The following ADNP2 variants were observed in gnomAD, a reference collection of about 807,000 sequenced individuals.
The protein encoded by ADNP2 is activity-dependent neuroprotector homeobox protein 2.
Under a neutral mutation model 16.4 loss-of-function variants are expected in ADNP2, and 8 were observed. The observed-to-expected ratio is 0.49, with a 90% CI of 0.29 to 0.88. The LOEUF is 0.88. Ranked by LOEUF, ADNP2 falls within the 40% of genes least tolerant of loss-of-function variation. ADNP2 has a pLI of 0.09. For missense variants in ADNP2, 1,397 were observed against 1,395.1 expected (o/e 1.00, Z -0.02); for synonymous variants, 637 against 545.8 (o/e 1.17, Z -2.33).
chr18:80,136,099 C>T lies in ADNP2; in HGVS notation c.686C>T (p.Ala229Val), dbSNP rs138033754. 372 of 1,614,124 alleles carry T rather than the reference C, an allele frequency of 2.3e-4. 2 individuals are homozygous for T. Among genetic ancestry groups the T allele is most frequent in the Non-Finnish European group, 3.5e-5 (41 of 1,179,978 alleles). ...KCNANASSQD[A>V]LMYHILTSDI... is the part of the protein sequence containing the mutation. ...AACGCCAATGCCAGCAGCCAGGATG[C>T]GTTAATGTATCACATTTTGACATCA... is the stretch of plus-strand genomic sequence containing the variant. Residue 229 changes from alanine (A) to valine (V), a missense_variant, in exon 4 of 4, where the codon GCG (alanine) becomes GTG (valine). Physicochemically the swap from Ala to Val is moderately conservative, Grantham distance 64 (BLOSUM62 0). Coordinates refer to ENST00000262198, the MANE Select transcript of ADNP2 (RefSeq NM_014913.4).
At chr18:80,117,793 T>G (rs1214520014) in intron 2 of ADNP2, 143 bp downstream of exon 2, 1 of 595,266 alleles carries the variant, frequency 1.7e-6, no homozygotes, top group Non-Finnish European at 2.9e-6. Context: ...CTTATTTATG[T>G]CTTTATGACA....
At chr18:80,126,130 T>G (rs2052457046) in intron 2 of ADNP2, among the ~76,000 whole-genome samples, 1 of 152,196 alleles carries the variant, frequency 6.6e-6, no homozygotes, top group South Asian at 2.1e-4. Context: ...TTATTCCATT[T>G]TATCTCTATT....
chr18:80,125,356 T>C, intron 2 of ADNP2, among the ~76,000 whole-genome samples: 1 of 151,936 alleles, frequency 6.6e-6, no homozygotes, highest in East Asian at 1.9e-4. Flanking sequence ...TTTAAAATAA[T>C]AAATAGGCCG....
intron 3 of ADNP2, among the ~76,000 whole-genome samples, chr18:80,134,000 G>A (rs553315637): frequency 7.6e-4 from 116 of 152,112 alleles, no homozygotes; most frequent in African/African-American, 2.7e-3. Flanking sequence ...GCCCAGATAA[G>A]CATTTTTATT....
Position 80,136,542 on chromosome 18 carries a change from C to T in ADNP2, c.1129C>T (p.Pro377Ser), listed in dbSNP as rs150009419. 6 of 1,614,114 alleles carry T rather than the reference C, an allele frequency of 3.7e-6. No individual in the cohort carries two copies. The African/African-American group carries it at 6.7e-5, about 18-fold the overall frequency. Residue 377 changes from proline (P) to serine (S), a missense_variant, in exon 4 of 4, where the codon CCA becomes TCA. This residue lies in a region of ADNP2 where 777 missense variants were observed against 719.4 expected (regional missense o/e 1.08). Transcript: ENST00000262198. The stretch of plus-strand genomic sequence containing the variant: ...TCCTCCTGTGTTGCCCTTGAGTCAG[C>T]CAGTCGGACCTGTCAATAAGTCTGT... ...VNPPVLPLSQPVGPVNKSVGT... is the reference protein window; with the variant it reads ...VNPPVLPLSQSVGPVNKSVGT...
intron 2 of ADNP2, among the ~76,000 whole-genome samples, chr18:80,131,744 C>G (rs1345927675): frequency 1.4e-5 from 2 of 147,476 alleles, no homozygotes; most frequent in African/African-American, 5.0e-5. Context: ...CAAACTGTTG[C>G]AAGGACAGAA....
rs1217086726 is a variant in ADNP2, at chr18:80,139,486, A to T, written c.*677A>T. 1.3e-5 allele frequency: 2 copies of T among 152,322 alleles called. No individual in the cohort carries two copies. Among genetic ancestry groups the T allele is most frequent in the African/African-American group, 4.8e-5 (2 of 41,348 alleles). 9.4% of individuals were successfully genotyped at this position (152,322 alleles called of 1,614,324 possible). A position where few individuals can be genotyped will look rare whatever the true frequency, so the allele number is the denominator to read the frequency against. On this transcript the variant is annotated 3_prime_UTR_variant, in exon 4 of 4. Transcript: ENST00000262198. ...TGAATTTGACATCTGGTATGCTGGTATGTAGCTCATACATCAAGAGTTATT... is the reference window on the plus strand; with the variant it reads ...TGAATTTGACATCTGGTATGCTGGTTTGTAGCTCATACATCAAGAGTTATT...
chr18:80,123,995 G>T (rs58748616), intron 2 of ADNP2, among the ~76,000 whole-genome samples: 38,547 of 152,128 alleles, frequency 0.25, 6,402 homozygotes, highest in Non-Finnish European at 0.38. Context: ...GTCCCAAAGA[G>T]CTGGGATTAC....
intron 2 of ADNP2, among the ~76,000 whole-genome samples, chr18:80,129,332 A>T (rs2052481576): frequency 6.6e-6 from 1 of 151,876 alleles, no homozygotes; most frequent in Non-Finnish European, 1.5e-5. Flanking sequence ...CAAACTCCAG[A>T]CCTCAGATGA....
Position 80,137,961 on chromosome 18 carries a change from A to G in ADNP2, c.2548A>G (p.Lys850Glu). Reference protein sequence around the residue: ...YLAILAGIHSKSLVPVYVKVR... With the variant: ...YLAILAGIHSESLVPVYVKVR... ...GGCAATCCTGGCTGGGATACACTCCAAGTCACTGGTGCCTGTGTATGTGAA... is the reference window on the plus strand; with the variant it reads ...GGCAATCCTGGCTGGGATACACTCCGAGTCACTGGTGCCTGTGTATGTGAA... Residue 850 changes from lysine (K) to glutamate (E), a missense_variant, in exon 4 of 4, where the codon AAG (lysine) becomes GAG (glutamate). By Grantham distance (56) the Lys-to-Glu change is moderately conservative. Coordinates refer to ENST00000262198, the MANE Select transcript of ADNP2 (RefSeq NM_014913.4). This position sits in a 1 kb window ranked among gnomAD's most constrained non-coding sequence, Gnocchi z 4.2. The G allele has an allele frequency of 6.2e-7, 1 of 1,613,236 alleles. No homozygotes were observed. Among genetic ancestry groups the G allele is most frequent in the Non-Finnish European group, 8.5e-7 (1 of 1,180,022 alleles).
chr18:80,140,165 A>C lies in ADNP2; in HGVS notation c.*1356A>C, dbSNP rs995872916. The C allele has an allele frequency of 8.5e-5, 13 of 152,262 alleles. No homozygotes were observed. Among genetic ancestry groups the C allele is most frequent in the Non-Finnish European group, 1.8e-4 (12 of 68,010 alleles). 9.4% of individuals were successfully genotyped at this position (152,262 alleles called of 1,614,324 possible). On this transcript the variant is annotated 3_prime_UTR_variant, in exon 4 of 4. Coordinates refer to ENST00000262198, the MANE Select transcript of ADNP2 (RefSeq NM_014913.4). ...AACATAATGTTACTATGTGGATTTT[A>C]AAAAATATAATACTTGCATGTAATT... is the stretch of plus-strand genomic sequence containing the variant.
intron 2 of ADNP2, among the ~76,000 whole-genome samples, chr18:80,131,855 G>GGGGGGC: frequency 6.6e-6 from 1 of 151,972 alleles, no homozygotes; most frequent in Non-Finnish European, 1.5e-5. Context: ...GTCATGGGGT[G>GGGGGGC]GGGGGCAGGG....
At chr18:80,133,341 C>T (rs1362051368) in intron 3 of ADNP2, 149 bp downstream of exon 3, 4 of 690,898 alleles carry the variant, frequency 5.8e-6, no homozygotes, top group Non-Finnish European at 5.2e-6. Context: ...TAGCAAGAAA[C>T]CAAGTATAGT....
intron 1 of ADNP2, among the ~76,000 whole-genome samples, chr18:80,114,899 G>C (rs185043550): frequency 1.3e-5 from 2 of 152,292 alleles, no homozygotes; most frequent in Admixed American, 1.3e-4. Context: ...TGGTGTCTCT[G>C]TGGGCTAGTT....
In ADNP2 at chr18:80,128,459, G is replaced by A. The variant is rs1040964565; in HGVS notation, c.109-4644G>A. Among the ~76,000 whole-genome samples the A allele has an allele frequency of 8.5e-5, 13 of 152,262 alleles. No homozygotes were observed. The South Asian group carries it at 2.1e-3, about 24-fold the overall frequency. ...GAGGTCAGGAGATTGAGACCAGCCT[G>A]GCCAACATGGTGAAACCCCGTCTCT... is the stretch of plus-strand genomic sequence containing the variant. On this transcript the variant is annotated intron_variant, in intron 2 of 3. Coordinates refer to ENST00000262198, the MANE Select transcript of ADNP2 (RefSeq NM_014913.4).
chr18:80,111,748 T>C (rs1327581827), intron 1 of ADNP2, among the ~76,000 whole-genome samples: 1 of 152,088 alleles, frequency 6.6e-6, no homozygotes, highest in African/African-American at 2.4e-5. Flanking sequence ...TTTCACCATA[T>C]TGGTCAGGCT....
chr18:80,137,288 G>C lies in ADNP2; in HGVS notation c.1875G>C (p.Pro625=), dbSNP rs202046162. 1.9e-5 allele frequency: 30 copies of C among 1,613,938 alleles called. No individual in the cohort carries two copies. Among genetic ancestry groups the C allele is most frequent in the Admixed American group, 6.7e-5 (4 of 59,980 alleles). The change falls in exon 4 of 4, where the codon CCG becomes CCC. Residue 625 remains proline (P), a synonymous_variant. Transcript: ENST00000262198. This position sits in a 1 kb window ranked among gnomAD's most constrained non-coding sequence, Gnocchi z 4.2. ...YTLAPVSVTL[P]VPPGGLATVA... is the part of the protein sequence containing the mutation. ...TGGCCCCCGTGTCTGTCACTCTGCC[G>C]GTTCCCCCTGGAGGCCTTGCGACTG...
chr18:80,114,394 TTGAC>T (rs1028740988), intron 1 of ADNP2, among the ~76,000 whole-genome samples: 2 of 152,196 alleles, frequency 1.3e-5, no homozygotes, highest in African/African-American at 4.8e-5. Flanking sequence ...CCACTTGAGT[TTGAC>T]TGATATATAT....
At chr18:80,127,827 T>C (rs951444716) in intron 2 of ADNP2, among the ~76,000 whole-genome samples, 30 of 152,092 alleles carry the variant, frequency 2.0e-4, no homozygotes, top group Non-Finnish European at 4.0e-4. Flanking sequence ...TATTAAGGGG[T>C]CATTCCCCTC....
Sources: allele counts gnomAD v4.1 joint callset (sites outside exome capture counted in the v4.1 genomes callset), GRCh38; gene constraint gnomAD v4.1.1; regional missense constraint gnomAD v4.1.1; non-coding constraint Gnocchi (gnomAD v3.1); transcripts MANE v1.5; gene names NCBI Gene and HGNC (gene_info 2026-07-23, HGNC 2026-07-21).